Variants in SCNN1B observed in about 807,000 individuals in gnomAD.
SCNN1B encodes the protein sodium channel epithelial 1 subunit beta, also known as epithelial sodium channel subunit beta.
Under a neutral mutation model 65.3 loss-of-function variants are expected in SCNN1B, and 46 were observed. That is an observed-to-expected ratio of 0.70 (90% CI 0.56 to 0.90). SCNN1B has a LOEUF of 0.90. Among genes scored for constraint, SCNN1B ranks in the 40% least tolerant of loss-of-function variants. The probability of loss-of-function intolerance (pLI) is 0.00; values close to 1 mark genes in which losing one functional copy is unlikely to be tolerated. For missense variants in SCNN1B, 751 were observed against 830.5 expected (o/e 0.90, Z 1.18); for synonymous variants, 349 against 330.6 (o/e 1.06, Z -0.60).
intron 1 of SCNN1B, among the ~76,000 whole-genome samples, chr16:23,326,872 GT>G (rs1961708194): frequency 6.6e-6 from 1 of 152,000 alleles, no homozygotes. Flanking sequence ...AGTGTACAGC[GT>G]ACCCATTAGG....
At position 23,324,916 on chromosome 16, in the gene SCNN1B, A is replaced by G. The variant is rs558871480; in HGVS notation, c.-9+22479A>G. On this transcript the variant is annotated intron_variant, in intron 1 of 12. Transcript: ENST00000343070. ...GCACCCCCCCAAGTCCTCTTTGTCC[A>G]TTGGGACACAATGACATGGCTCCTG... 4.2e-3 allele frequency among the ~76,000 whole-genome samples: 643 copies of G among 152,334 alleles called. 6 individuals carry two copies. The highest frequency in any genetic ancestry group is 0.014 in the African/African-American group (577 of 41,590).
At chr16:23,313,262 A>C (rs1365461340) in intron 1 of SCNN1B, among the ~76,000 whole-genome samples, 1 of 151,986 alleles carries the variant, frequency 6.6e-6, no homozygotes, top group Non-Finnish European at 1.5e-5. Flanking sequence ...ATGGACCCCC[A>C]TTCTCTGGTC....
Position 23,380,143 on chromosome 16 carries a change from A to T in SCNN1B, c.1516A>T (p.Thr506Ser), listed in dbSNP as rs1190571464. 6.2e-7 allele frequency: 1 copy of T among 1,613,980 alleles called. No individual in the cohort carries two copies. The highest frequency in any genetic ancestry group is 1.7e-5 in the Admixed American group (1 of 60,016). Reference sequence around the variant, plus strand: ...CTACTTCCAAGAATTTAACTATCGCACCATTGAAGAATCAGCAGCCAATAA... The same window carrying T: ...CTACTTCCAAGAATTTAACTATCGCTCCATTGAAGAATCAGCAGCCAATAA... ...NIYFQEFNYR[T>S]IEESAANNIV... The change falls in exon 12 of 13, where the codon ACC becomes TCC. Residue 506 changes from threonine to serine, a missense_variant. By Grantham distance (58) the Thr-to-Ser change is moderately conservative. Transcript: ENST00000343070. This position sits in a 1 kb window ranked among gnomAD's most constrained non-coding sequence, Gnocchi z 5.4.
Position 23,352,915 on chromosome 16 carries a change from C to T in SCNN1B, c.426C>T (p.Phe142=), listed in dbSNP as rs1962340106. ...CCAATGCCACCAGGAACCTGAACTT[C>T]TCCATCTGGAACCACACACCCCTGG... ...SHANATRNLN[F]SIWNHTPLVL... is the part of the protein sequence containing the mutation. Residue 142 remains phenylalanine, a synonymous_variant, in exon 3 of 13, where the codon TTC becomes TTT. Coordinates refer to ENST00000343070, the MANE Select transcript of SCNN1B (RefSeq NM_000336.3). 2.5e-6 allele frequency: 4 copies of T among 1,614,228 alleles called. No homozygotes were observed. Among genetic ancestry groups the T allele is most frequent in the Middle Eastern group, 1.6e-4 (1 of 6,062 alleles).
chr16:23,338,765 T>C (rs1482840184), intron 1 of SCNN1B, among the ~76,000 whole-genome samples: 2 of 152,222 alleles, frequency 1.3e-5, no homozygotes, highest in African/African-American at 2.4e-5. Context: ...GGGACAACCG[T>C]CACATCTTTC....
chr16:23,369,022 C>T (rs939248988), intron 5 of SCNN1B, among the ~76,000 whole-genome samples: 11 of 152,308 alleles, frequency 7.2e-5, no homozygotes, highest in African/African-American at 2.6e-4. Flanking sequence ...CAAAACTGCG[C>T]TTGAACCCCT....
intron 1 of SCNN1B, among the ~76,000 whole-genome samples, chr16:23,280,935 G>A (rs1039409968): frequency 6.6e-6 from 1 of 152,196 alleles, no homozygotes; most frequent in Non-Finnish European, 1.5e-5. Context: ...GGCTACTTGA[G>A]GAGAGAGACA....
chr16:23,365,927 G>A (rs1962660376), intron 4 of SCNN1B, among the ~76,000 whole-genome samples: 2 of 152,214 alleles, frequency 1.3e-5, no homozygotes, highest in African/African-American at 4.8e-5. Context: ...CATTCTGCAA[G>A]TCAACTAGCT....
Position 23,371,875 on chromosome 16 carries a change from T to G in SCNN1B, c.1144T>G (p.Ser382Ala). 1 of 1,612,100 alleles carries G rather than the reference T, an allele frequency of 6.2e-7. No individual in the cohort carries two copies. The highest frequency in any genetic ancestry group is 8.5e-7 in the Non-Finnish European group (1 of 1,178,100). The stretch of plus-strand genomic sequence containing the variant: ...CTACAGTGACTACAACACGACCTAC[T>G]CCATCCAGGTGGGAAGGTGGTGCAC... ...NFYSDYNTTY[S>A]IQACLRSCFQ... The change falls in exon 7 of 13, where the codon TCC (serine) becomes GCC (alanine). Residue 382 changes from serine (S) to alanine (A), a missense_variant. Coordinates refer to ENST00000343070, the MANE Select transcript of SCNN1B (RefSeq NM_000336.3).
chr16:23,299,814 C>A (rs1961048502), upstream of SCNN1B, among the ~76,000 whole-genome samples: 1 of 152,160 alleles, frequency 6.6e-6, no homozygotes, highest in African/African-American at 2.4e-5. Context: ...CAAGAAATAC[C>A]ATTTGACTCA....
At chr16:23,300,980 T>A (rs548656336), upstream of SCNN1B, among the ~76,000 whole-genome samples, 2 of 138,340 alleles carry the variant, frequency 1.4e-5, no homozygotes, top group African/African-American at 5.8e-5. Context: ...ATAACATATA[T>A]GTGTTAAAAA....
chr16:23,362,617 G>A (rs1962575441), intron 4 of SCNN1B, among the ~76,000 whole-genome samples: 1 of 152,206 alleles, frequency 6.6e-6, no homozygotes, highest in Non-Finnish European at 1.5e-5. Flanking sequence ...TCTGGAATCA[G>A]AGGCAGCCAG....
At chr16:23,296,990 CAAAAAA>C (rs57412418) in intron 2 of SCNN1B, among the ~76,000 whole-genome samples, 1 of 81,862 alleles carries the variant, frequency 1.2e-5, no homozygotes, top group Non-Finnish European at 2.9e-5. Context: ...CATCTCAAAA[CAAAAAA>C]AAAAAAAAAA....
At chr16:23,311,144 T>C (rs1439035190) in intron 1 of SCNN1B, among the ~76,000 whole-genome samples, 1 of 152,240 alleles carries the variant, frequency 6.6e-6, no homozygotes, top group Non-Finnish European at 1.5e-5. Context: ...ACCCAGTGGT[T>C]ATCTCTGCAT....
At position 23,360,201 on chromosome 16, in the gene SCNN1B, A is replaced by AAAATT. The variant is rs1555488433; in HGVS notation, c.776+4716_776+4717insTAAAT. Among the ~76,000 whole-genome samples the AAAATT allele has an allele frequency of 1.3e-4, 17 of 132,854 alleles. No homozygotes were observed. In the South Asian group the frequency reaches 1.4e-3, roughly 11 times the overall value. 87.2% of individuals were successfully genotyped at this position (132,854 alleles called of 152,430 possible). On this transcript the variant is annotated intron_variant, in intron 4 of 12. Transcript: ENST00000343070. ...AGAGAGAGCGAGACTCCATCTCAAA[A>AAAATT]AAATAAATAAATAAATAAATAAATA...
chr16:23,346,195 C>CTTTTATTTTTTTT, intron 1 of SCNN1B, among the ~76,000 whole-genome samples: 1 of 97,496 alleles, frequency 1.0e-5, no homozygotes, highest in South Asian at 3.8e-4. Context: ...CCCTTTTTTC[C>CTTTTATTTTTTTT]TTTTCTTTTT....
chr16:23,346,961 A>G (rs1438072226), intron 1 of SCNN1B, among the ~76,000 whole-genome samples: 1 of 152,014 alleles, frequency 6.6e-6, no homozygotes, highest in Admixed American at 6.6e-5. Context: ...TGAGAAGGAG[A>G]TTTGCTCAAA....
intron 1 of SCNN1B, among the ~76,000 whole-genome samples, chr16:23,317,571 A>G (rs1275508085): frequency 6.6e-6 from 1 of 152,132 alleles, no homozygotes; most frequent in Non-Finnish European, 1.5e-5. Context: ...TCTGAGAGAG[A>G]GCAGGGAGCA....
chr16:23,371,753 T>C (rs765587348), intron 6 of SCNN1B, 23 bp from the exon 7 acceptor site: 3 of 1,592,604 alleles, frequency 1.9e-6, no homozygotes, highest in African/African-American at 2.7e-5. Context: ...AGTGTCCCCC[T>C]CAAGCAACCC....
Sources: gnomAD v4.1 joint callset for allele counts (sites outside exome capture counted in the v4.1 genomes callset) on GRCh38, gnomAD v4.1.1 for gene constraint, Gnocchi (gnomAD v3.1) non-coding constraint, MANE v1.5 for transcripts, NCBI Gene and HGNC (gene_info 2026-07-23, HGNC 2026-07-21) for gene names.